The following AP4S1 variants were observed in gnomAD, a reference collection of about 807,000 sequenced individuals.
The protein encoded by AP4S1 is AP-4 complex subunit sigma-1.
In AP4S1, 23 loss-of-function variants were observed where a neutral mutation model predicts 19.8. That is an observed-to-expected ratio of 1.16 (90% confidence interval 0.84 to 1.65). AP4S1 has a LOEUF of 1.65. Ranked by LOEUF, AP4S1 falls within the 40% of genes most tolerant of loss-of-function variation. AP4S1 has a pLI of 0.00. For missense variants in AP4S1, 166 were observed against 172.8 expected (o/e 0.96, Z 0.22); for synonymous variants, 46 against 54.1 (o/e 0.85, Z 0.66).
At chr14:31,074,184 G>C (rs1247515253) in intron 4 of AP4S1, among the ~76,000 whole-genome samples, 1 of 151,610 alleles carries the variant, frequency 6.6e-6, no homozygotes, top group Non-Finnish European at 1.5e-5. Flanking sequence ...AAATTAGTTG[G>C]GCATGGTGGC....
intron 5 of AP4S1, among the ~76,000 whole-genome samples, chr14:31,090,221 C>T (rs566645520): frequency 3.9e-5 from 6 of 152,154 alleles, no homozygotes; most frequent in Middle Eastern, 3.4e-3. Context: ...CCTGACCTCA[C>T]GTAATCTGCC....
Position 31,066,353 on chromosome 14 carries a change from C to G in AP4S1, c.138+19C>G, listed in dbSNP as rs1886716767. 1.2e-6 allele frequency: 2 copies of G among 1,613,692 alleles called. No homozygotes were observed. The highest frequency in any genetic ancestry group is 1.7e-5 in the Admixed American group (1 of 59,982). On this transcript the variant is annotated intron_variant, in intron 2 of 5. Transcript: ENST00000542754. ...TGAACAAGTAAGTCTCTGGTTCTCT[C>G]TTTTATCTCTGCATTCAACTCAGCC... is the stretch of plus-strand genomic sequence containing the variant.
intron 5 of AP4S1, among the ~76,000 whole-genome samples, chr14:31,081,763 CACAA>C (rs1481850008): frequency 6.6e-5 from 10 of 151,576 alleles, no homozygotes; most frequent in African/African-American, 2.2e-4. Context: ...TGTGTACGTG[CACAA>C]ACACACAGGC....
intron 1 of AP4S1, among the ~76,000 whole-genome samples, chr14:31,034,587 G>A (rs1191697625): frequency 1.4e-5 from 2 of 141,592 alleles, no homozygotes; most frequent in African/African-American, 5.3e-5. Context: ...CACTACACCT[G>A]TGCCTAGAAG....
intron 1 of AP4S1, among the ~76,000 whole-genome samples, chr14:31,045,668 A>T (rs1885354960): frequency 6.6e-6 from 1 of 152,186 alleles, no homozygotes; most frequent in Admixed American, 6.6e-5. Context: ...CTAATACACC[A>T]TTCAAAATAT....
intron 1 of AP4S1, among the ~76,000 whole-genome samples, chr14:31,029,724 G>C (rs1489137750): frequency 6.6e-6 from 1 of 152,026 alleles, no homozygotes; most frequent in East Asian, 1.9e-4. Flanking sequence ...GGCTGAGATG[G>C]GAGGATCACC....
chr14:31,025,823 G>A, intron 1 of AP4S1, 36 bp downstream of exon 1: 6 of 1,529,470 alleles, frequency 3.9e-6, no homozygotes, highest in Non-Finnish European at 5.3e-6. Flanking sequence ...CGCCGGCTCC[G>A]GCTGAGTGGA....
chr14:31,081,734 ATG>A (rs549123012), intron 5 of AP4S1, among the ~76,000 whole-genome samples: 5 of 151,288 alleles, frequency 3.3e-5, no homozygotes, highest in South Asian at 2.1e-4. Flanking sequence ...ACATGTATTT[ATG>A]TGTGTGTGTG....
chr14:31,081,512 T>C (rs542630248), intron 5 of AP4S1, among the ~76,000 whole-genome samples: 5 of 152,324 alleles, frequency 3.3e-5, no homozygotes, highest in African/African-American at 1.2e-4. Flanking sequence ...GCAGGAGCCC[T>C]CCAGGCTTTG....
At chr14:31,030,262 T>A (rs1458410095) in intron 1 of AP4S1, among the ~76,000 whole-genome samples, 1 of 152,190 alleles carries the variant, frequency 6.6e-6, no homozygotes, top group Non-Finnish European at 1.5e-5. Context: ...CAGGGCCTTA[T>A]CTAATAGTTT....
chr14:31,089,165 A>C (rs1163256976), intron 5 of AP4S1, among the ~76,000 whole-genome samples: 2 of 91,572 alleles, frequency 2.2e-5, no homozygotes, highest in African/African-American at 6.2e-5. Context: ...GTCTTAACCA[A>C]AAAAAAAAAA....
Position 31,067,542 on chromosome 14 carries a change from T to G in AP4S1, c.138+1208T>G, listed in dbSNP as rs200548639. On this transcript the variant is annotated intron_variant, in intron 2 of 5. Transcript: ENST00000542754. ...TTTTTTTTTTTTTTTTGAGATGGAG[T>G]CTTGCTTTGTCACCCAGGCTGGAGT... Among the ~76,000 whole-genome samples the G allele has an allele frequency of 1.1e-4, 16 of 146,602 alleles. No individual in the cohort carries two copies. In the East Asian group the frequency reaches 3.1e-3, roughly 28 times the overall value.
At chr14:31,054,903 C>T (rs1886021352) in intron 1 of AP4S1, among the ~76,000 whole-genome samples, 1 of 133,254 alleles carries the variant, frequency 7.5e-6, no homozygotes, top group African/African-American at 2.8e-5. Context: ...AAAACAGTGA[C>T]AGGTCATACT....
chr14:31,069,980 C>A, intron 3 of AP4S1, 51 bp downstream of exon 3: 1 of 1,435,776 alleles, frequency 7.0e-7, no homozygotes, highest in Non-Finnish European at 9.8e-7. Context: ...TTTCTACTTG[C>A]CTCCCTAAGA....
Position 31,047,809 on chromosome 14 carries a change from C to T in AP4S1, c.-71-18317C>T, listed in dbSNP as rs117497546. Among the ~76,000 whole-genome samples the T allele has an allele frequency of 2.1e-4, 32 of 152,140 alleles. No individual in the cohort carries two copies. The East Asian group carries it at 5.4e-3, about 26-fold the overall frequency. On this transcript the variant is annotated intron_variant, in intron 1 of 5. Transcript: ENST00000542754. ...TTGTCATGCCTCAATGACAAGCCTCCCGAGTAGTTGGGATTACAGATGTGA... is the reference window on the plus strand; with the variant it reads ...TTGTCATGCCTCAATGACAAGCCTCTCGAGTAGTTGGGATTACAGATGTGA...
chr14:31,083,972 G>A (rs1279867409), intron 5 of AP4S1, among the ~76,000 whole-genome samples: 1 of 152,162 alleles, frequency 6.6e-6, no homozygotes, highest in Non-Finnish European at 1.5e-5. Flanking sequence ...ATCTGTGGAG[G>A]GGCGTAGACA....
At chr14:31,076,889 G>A (rs1169130530) in intron 4 of AP4S1, among the ~76,000 whole-genome samples, 1 of 152,116 alleles carries the variant, frequency 6.6e-6, no homozygotes, top group Non-Finnish European at 1.5e-5. Flanking sequence ...CTGAGCTTTA[G>A]TTAGACATTC....
chr14:31,031,526 T>TTG (rs1884387092), intron 1 of AP4S1, among the ~76,000 whole-genome samples: 1 of 152,222 alleles, frequency 6.6e-6, no homozygotes, highest in Non-Finnish European at 1.5e-5. Context: ...AGTTGTCTCT[T>TTG]AAAGTTCAAT....
intron 1 of AP4S1, among the ~76,000 whole-genome samples, chr14:31,053,235 C>T (rs2139508034): frequency 6.6e-6 from 1 of 152,262 alleles, no homozygotes; most frequent in East Asian, 1.9e-4. Flanking sequence ...GCCACCGCGT[C>T]CGGCCTTGTG....
Sources: allele counts gnomAD v4.1 joint callset (sites outside exome capture counted in the v4.1 genomes callset), GRCh38; gene constraint gnomAD v4.1.1; transcripts MANE v1.5; gene names NCBI Gene and HGNC (gene_info 2026-07-23, HGNC 2026-07-21).